LRFN2: variants seen among roughly 807,000 people sequenced by gnomAD.
The protein encoded by LRFN2 is leucine rich repeat and fibronectin type III domain containing 2.
A neutral mutation model predicts 37.3 loss-of-function variants in LRFN2; 18 were observed. The observed-to-expected ratio is 0.48, with a 90% CI of 0.33 to 0.72. The LOEUF (loss-of-function observed/expected upper bound fraction) is 0.72. Among genes scored for constraint, LRFN2 ranks in the 30% least tolerant of loss-of-function variants. LRFN2 has a pLI of 0.02. For missense variants in LRFN2, 1,006 were observed against 1,060.7 expected, an observed-to-expected ratio of 0.95 and a Z score of 0.72; for synonymous variants, 556 against 466.6, an observed-to-expected ratio of 1.19 and a Z score of -2.47.
At chr6:40,524,489 T>C (rs1302021293) in intron 1 of LRFN2, among the ~76,000 whole-genome samples, 2 of 150,498 alleles carry the variant, frequency 1.3e-5, no homozygotes, top group African/African-American at 2.4e-5. Flanking sequence ...TTGTCTCTCT[T>C]GGGCTGTGAA....
intron 2 of LRFN2, among the ~76,000 whole-genome samples, chr6:40,414,673 C>T (rs1025493885): frequency 2.6e-5 from 4 of 152,124 alleles, no homozygotes; most frequent in Non-Finnish European, 5.9e-5. Context: ...AAATCGGACA[C>T]GCAAAATTTG....
chr6:40,480,783 A>G (rs1022093160), intron 1 of LRFN2, among the ~76,000 whole-genome samples: 1 of 152,174 alleles, frequency 6.6e-6, no homozygotes, highest in African/African-American at 2.4e-5. Flanking sequence ...TCAATATTAC[A>G]TGTCACCATG....
At chr6:40,556,737 A>ACACACACACACACACACG (rs1561906771) in intron 1 of LRFN2, among the ~76,000 whole-genome samples, 2 of 147,380 alleles carry the variant, frequency 1.4e-5, no homozygotes, top group Non-Finnish European at 3.0e-5. Context: ...ACACACACAC[A>ACACACACACACACACACG]CACACACACA....
At chr6:40,569,074 T>C (rs1375276130) in intron 1 of LRFN2, among the ~76,000 whole-genome samples, 2 of 152,202 alleles carry the variant, frequency 1.3e-5, no homozygotes, top group African/African-American at 4.8e-5. Flanking sequence ...GAGCCCTGCC[T>C]TCCAAAGGCA....
At chr6:40,408,812 T>C (rs1356751577) in intron 2 of LRFN2, among the ~76,000 whole-genome samples, 1 of 152,270 alleles carries the variant, frequency 6.6e-6, no homozygotes, top group Non-Finnish European at 1.5e-5. Context: ...AAGTCAACAG[T>C]AACACTTTGT....
intron 2 of LRFN2, among the ~76,000 whole-genome samples, chr6:40,413,002 A>G (rs1303917635): frequency 6.6e-6 from 1 of 152,130 alleles, no homozygotes; most frequent in East Asian, 1.9e-4. Flanking sequence ...AAGAAGGTCA[A>G]TGATTCCCAG....
At chr6:40,414,224 G>A (rs1036647857) in intron 2 of LRFN2, among the ~76,000 whole-genome samples, 1 of 152,170 alleles carries the variant, frequency 6.6e-6, no homozygotes, top group Non-Finnish European at 1.5e-5. Flanking sequence ...GGCTATGAAG[G>A]TGCCTGGTGC....
At position 40,556,658 on chromosome 6, in the gene LRFN2, G is replaced by GTC. The variant is rs60167160; in HGVS notation, c.-19+30281_-19+30282dup. Among the ~76,000 whole-genome samples, 847 of 139,396 alleles carry GTC rather than the reference G, an allele frequency of 6.1e-3. 1 individual carries two copies. The highest frequency in any genetic ancestry group is 0.011 in the African/African-American group (391 of 36,776). 91.4% of individuals were successfully genotyped at this position (139,396 alleles called of 152,430 possible). A position where few individuals can be genotyped will look rare whatever the true frequency, so the allele number is the denominator to read the frequency against. ...AGTGTGGAGAGTGAATTAGAACCAG[G>GTC]TCTCTCTCTCTCTCTCTCTCTCTCT... On this transcript the variant is annotated intron_variant, in intron 1 of 2. Coordinates refer to ENST00000338305, the MANE Select transcript of LRFN2 (RefSeq NM_020737.3).
At chr6:40,533,130 C>T (rs985581709) in intron 1 of LRFN2, among the ~76,000 whole-genome samples, 2 of 151,938 alleles carry the variant, frequency 1.3e-5, no homozygotes, top group Admixed American at 6.6e-5. Flanking sequence ...TTTGTTTTCT[C>T]TCTGTCTGTC....
chr6:40,471,154 G>A (rs896304323), intron 1 of LRFN2, among the ~76,000 whole-genome samples: 12 of 152,162 alleles, frequency 7.9e-5, no homozygotes, highest in Admixed American at 3.9e-4. Flanking sequence ...GTACGGATGA[G>A]GCTGATGTGC....
intron 1 of LRFN2, among the ~76,000 whole-genome samples, chr6:40,489,650 G>A (rs1312196456): frequency 6.6e-6 from 1 of 152,140 alleles, no homozygotes; most frequent in Non-Finnish European, 1.5e-5. Flanking sequence ...GGCCTGGGAG[G>A]AGGGCAGAAG....
chr6:40,584,462 A>G (rs1767464270), intron 1 of LRFN2, among the ~76,000 whole-genome samples: 1 of 152,042 alleles, frequency 6.6e-6, no homozygotes, highest in Non-Finnish European at 1.5e-5. Context: ...CTAAAACTCC[A>G]CCCCTACCCA....
chr6:40,419,029 G>A (rs942236984), intron 2 of LRFN2, among the ~76,000 whole-genome samples: 19 of 152,206 alleles, frequency 1.2e-4, no homozygotes, highest in Admixed American at 1.1e-3. Flanking sequence ...GGTACCTACT[G>A]AATTACAAAC....
At chr6:40,532,513 C>G (rs1766364655) in intron 1 of LRFN2, among the ~76,000 whole-genome samples, 1 of 152,154 alleles carries the variant, frequency 6.6e-6, no homozygotes, top group Admixed American at 6.5e-5. Context: ...AACCCAAAGC[C>G]ACACAGCCAG....
chr6:40,561,124 A>T (rs957363334), intron 1 of LRFN2, among the ~76,000 whole-genome samples: 1 of 152,152 alleles, frequency 6.6e-6, no homozygotes, highest in Non-Finnish European at 1.5e-5. Context: ...TTCTAGGGCC[A>T]TGAGGTGGCA....
intron 1 of LRFN2, among the ~76,000 whole-genome samples, chr6:40,439,844 A>G (rs1466841911): frequency 6.6e-6 from 1 of 152,202 alleles, no homozygotes; most frequent in African/African-American, 2.4e-5. Flanking sequence ...CAGGGGAGGC[A>G]TAGCCTTTGA....
At chr6:40,454,814 T>C (rs1764199878) in intron 1 of LRFN2, among the ~76,000 whole-genome samples, 2 of 152,256 alleles carry the variant, frequency 1.3e-5, no homozygotes, top group South Asian at 4.1e-4. Flanking sequence ...CTTAAATATT[T>C]ACCTATAGCT....
chr6:40,440,476 G>A (rs1763807683), intron 1 of LRFN2, among the ~76,000 whole-genome samples: 1 of 151,702 alleles, frequency 6.6e-6, no homozygotes, highest in South Asian at 2.1e-4. Context: ...TTTGAGGAGA[G>A]AATGAACGAA....
intron 1 of LRFN2, among the ~76,000 whole-genome samples, chr6:40,473,571 C>A (rs1442293673): frequency 6.6e-6 from 1 of 152,112 alleles, no homozygotes; most frequent in Non-Finnish European, 1.5e-5. Flanking sequence ...TATTATCATC[C>A]CTGTTTTGTT....
Sources: allele counts gnomAD v4.1 joint callset (sites outside exome capture counted in the v4.1 genomes callset), GRCh38; gene constraint gnomAD v4.1.1; transcripts MANE v1.5; gene names NCBI Gene and HGNC (gene_info 2026-07-23, HGNC 2026-07-21).